The following COQ7 variants were observed in gnomAD, a reference collection of about 807,000 sequenced individuals.
The protein encoded by COQ7 is NADPH-dependent 3-demethoxyubiquinone 3-hydroxylase, mitochondrial.
In COQ7, 21 loss-of-function variants were observed where a neutral mutation model predicts 25.0. The ratio of observed to expected loss-of-function variants is 0.84; its 90% CI spans 0.60 to 1.21. The LOEUF is 1.21. Among genes scored for constraint, COQ7 ranks in the 50% most tolerant of loss-of-function variants. The pLI, the probability that COQ7 is intolerant of heterozygous loss-of-function variation, is 0.00. For missense variants in COQ7, 311 were observed against 296.2 expected (o/e 1.05, Z -0.37); for synonymous variants, 125 against 112.4 (o/e 1.11, Z -0.71).
chr16:19,072,386 C>T (rs1962609360), intron 2 of COQ7: 4 of 422,586 alleles, frequency 9.5e-6, no homozygotes, highest in Admixed American at 7.6e-5. Context: ...GGTTAAGAAT[C>T]GCTCAGCACA....
chr16:19,080,303 A>G (rs947508850), downstream of COQ7, among the ~76,000 whole-genome samples: 1 of 152,216 alleles, frequency 6.6e-6, no homozygotes, highest in Non-Finnish European at 1.5e-5. Context: ...AAGGATAATG[A>G]AAGATTTTTG....
At chr16:19,080,844 G>C (rs1302187974), downstream of COQ7, among the ~76,000 whole-genome samples, 4 of 152,088 alleles carry the variant, frequency 2.6e-5, no homozygotes, top group Non-Finnish European at 4.4e-5. Context: ...AAGACATCTT[G>C]TGATTCACAG....
intron 3 of COQ7, 23 bp from the exon 4 acceptor site, chr16:19,075,698 T>C: frequency 6.5e-7 from 1 of 1,538,346 alleles, no homozygotes; most frequent in East Asian, 2.3e-5. Flanking sequence ...CTTACTTTTC[T>C]GGTCTGGGTT....
rs1963052287 is a variant in COQ7, at chr16:19,079,940, T to G, written c.*1782T>G. On this transcript the variant is annotated 3_prime_UTR_variant, in exon 6 of 6. Coordinates refer to ENST00000321998, the MANE Select transcript of COQ7 (RefSeq NM_016138.5). ...GGCATTTGTTTGAAATTAGATAGGA[T>G]AAAGCCAAAGGTTTGAACAAGTTGT... 1 of 152,254 alleles carries G rather than the reference T, an allele frequency of 6.6e-6. No individual in the cohort carries two copies. Among genetic ancestry groups the G allele is most frequent in the Non-Finnish European group, 1.5e-5 (1 of 68,050 alleles). The allele number at this position is 152,254 out of a possible 1,614,324, so 9.4% of individuals were successfully genotyped here.
chr16:19,077,601 T>TTTTTTTTTTTTTTTTTTTC (rs1302517905), intron 5 of COQ7, among the ~76,000 whole-genome samples: 1 of 140,374 alleles, frequency 7.1e-6, no homozygotes, highest in Admixed American at 7.4e-5. Context: ...TTTTTTTTTT[T>TTTTTTTTTTTTTTTTTTTC]TTTCCCAGAC....
At chr16:19,082,893 A>G (rs1963119428), downstream of COQ7, among the ~76,000 whole-genome samples, 1 of 152,168 alleles carries the variant, frequency 6.6e-6, no homozygotes, top group African/African-American at 2.4e-5. Flanking sequence ...TGAAATGTCC[A>G]GAATAGGCAA....
At chr16:19,075,699 G>T in intron 3 of COQ7, 22 bp from the exon 4 acceptor site, 1 of 1,543,464 alleles carries the variant, frequency 6.5e-7, no homozygotes, top group Non-Finnish European at 8.7e-7. Flanking sequence ...TTACTTTTCT[G>T]GTCTGGGTTT....
At chr16:19,077,013 T>C (rs1962882343) in intron 4 of COQ7, among the ~76,000 whole-genome samples, 1 of 152,274 alleles carries the variant, frequency 6.6e-6, no homozygotes, top group South Asian at 2.1e-4. Context: ...TTTAGTTTTT[T>C]AGAGTCTAAA....
At chr16:19,068,445 A>G (rs1458087865) in intron 1 of COQ7, 2 of 964,404 alleles carry the variant, frequency 2.1e-6, no homozygotes, top group Admixed American at 1.2e-4. Context: ...TGAGGTCAGG[A>G]GTTTGAGACC....
At position 19,072,191 on chromosome 16, in the gene COQ7, G is replaced by T. The variant is rs990912788; in HGVS notation, c.252+85G>T. Reference sequence around the variant, plus strand: ...CAAGTAATGAATCATGGGAGGTCAAGCGTTCCCTAGGGAGATGCCATTGTC... The same window carrying T: ...CAAGTAATGAATCATGGGAGGTCAATCGTTCCCTAGGGAGATGCCATTGTC... On this transcript the variant is annotated intron_variant, in intron 2 of 5. Transcript: ENST00000321998. 6 of 1,524,994 alleles carry T rather than the reference G, an allele frequency of 3.9e-6. No homozygotes were observed. The East Asian group carries it at 1.1e-4, about 29-fold the overall frequency. 94.5% of individuals were successfully genotyped at this position (1,524,994 alleles called of 1,614,324 possible). A position where few individuals can be genotyped will look rare whatever the true frequency, so the allele number is the denominator to read the frequency against.
At chr16:19,082,023 A>C (rs1355959960), downstream of COQ7, among the ~76,000 whole-genome samples, 1 of 151,920 alleles carries the variant, frequency 6.6e-6, no homozygotes, top group Non-Finnish European at 1.5e-5. Flanking sequence ...CTCCATCCCA[A>C]AAAAAAAGAA....
chr16:19,067,964 T>TG lies in COQ7; in HGVS notation c.73+231dup, dbSNP rs1472654934. On this transcript the variant is annotated intron_variant, in intron 1 of 5. Transcript: ENST00000321998. ...CAGGGGTTGTTTCGGCAGTGACGCCTGGGGAGTGACGCAATTGCACCCCTG... is the reference window on the plus strand; with the variant it reads ...CAGGGGTTGTTTCGGCAGTGACGCCTGGGGGAGTGACGCAATTGCACCCCTG... 3 of 1,421,508 alleles carry TG rather than the reference T, an allele frequency of 2.1e-6. No homozygotes were observed. The African/African-American group carries it at 4.4e-5, about 21-fold the overall frequency. The allele number at this position is 1,421,508 out of a possible 1,614,324, so 88.1% of individuals were successfully genotyped here.
chr16:19,073,848 C>T, intron 2 of COQ7, 73 bp from the exon 3 acceptor site: 2 of 1,101,200 alleles, frequency 1.8e-6, no homozygotes, highest in Non-Finnish European at 2.7e-6. Flanking sequence ...TGCTTTGCTC[C>T]CTGTATGCCG....
chr16:19,082,802 T>A (rs1187170807), downstream of COQ7, among the ~76,000 whole-genome samples: 1 of 93,086 alleles, frequency 1.1e-5, no homozygotes, highest in Non-Finnish European at 2.2e-5. Flanking sequence ...AAATTTTATG[T>A]ATATTTTACC....
chr16:19,082,833 G>A (rs920101066), downstream of COQ7, among the ~76,000 whole-genome samples: 4 of 150,580 alleles, frequency 2.7e-5, no homozygotes, highest in Admixed American at 6.6e-5. Flanking sequence ...AACATGCTAA[G>A]TGAAAGAAGC....
chr16:19,075,647 C>T, intron 3 of COQ7, 74 bp from the exon 4 acceptor site: 8 of 1,482,694 alleles, frequency 5.4e-6, no homozygotes, highest in Non-Finnish European at 6.3e-6. Flanking sequence ...GGTTAAGAAG[C>T]CCTGGCCACA....
At chr16:19,082,663 G>T (rs188607195), downstream of COQ7, among the ~76,000 whole-genome samples, 3 of 151,886 alleles carry the variant, frequency 2.0e-5, no homozygotes, top group East Asian at 5.8e-4. Flanking sequence ...AGCTACTCAC[G>T]AGCTGAGGCA....
At chr16:19,071,709 T>G in intron 1 of COQ7, 1 of 561,742 alleles carries the variant, frequency 1.8e-6, no homozygotes, top group East Asian at 3.1e-5. Flanking sequence ...GCTCAGCATT[T>G]CCAGATCTTC....
chr16:19,077,344 T>C lies in COQ7; in HGVS notation c.546T>C (p.His182=). 1 of 1,614,142 alleles carries C rather than the reference T, an allele frequency of 6.2e-7. No homozygotes were observed. The highest frequency in any genetic ancestry group is 8.5e-7 in the Non-Finnish European group (1 of 1,180,038). The change falls in exon 5 of 6, where the codon CAT becomes CAC. Residue 182 remains histidine (H), a synonymous_variant. Transcript: ENST00000321998. ...TTCGGGATGAAGAGCTTGAGCACCA[T>C]GACATAGGCCTCGACCATGATGCAG... ...KKFRDEELEH[H]DIGLDHDAEL... is the part of the protein sequence containing the mutation.
Sources: allele counts gnomAD v4.1 joint callset (sites outside exome capture counted in the v4.1 genomes callset), GRCh38; gene constraint gnomAD v4.1.1; transcripts MANE v1.5; gene names NCBI Gene and HGNC (gene_info 2026-07-23, HGNC 2026-07-21).